IL12RB2: variants seen among roughly 807,000 people sequenced by gnomAD.
IL12RB2 encodes the protein interleukin 12 receptor subunit beta 2, also known as interleukin-12 receptor subunit beta-2.
Under a neutral mutation model 89.4 loss-of-function variants are expected in IL12RB2, and 82 were observed. That is an observed-to-expected ratio of 0.92 (90% CI 0.77 to 1.10). IL12RB2 has a LOEUF of 1.10. Among genes scored for constraint, IL12RB2 ranks in the 50% least tolerant of loss-of-function variants. The pLI is 0.00. For synonymous variants in IL12RB2, 368 were observed against 370.1 expected (o/e 0.99, Z 0.07); for missense variants, 963 against 1,031.9 (o/e 0.93, Z 0.92).
chr1:67,387,863 T>C (rs1318777819), intron 15 of IL12RB2, among the ~76,000 whole-genome samples: 1 of 152,080 alleles, frequency 6.6e-6, no homozygotes, highest in African/African-American at 2.4e-5. Flanking sequence ...AATTTGGTTA[T>C]ATATAATATA....
At chr1:67,391,960 C>A (rs536505154) in intron 16 of IL12RB2, among the ~76,000 whole-genome samples, 1 of 152,104 alleles carries the variant, frequency 6.6e-6, no homozygotes, top group Admixed American at 6.6e-5. Flanking sequence ...GTATGATTAT[C>A]TTCATTTTCC....
At chr1:67,378,848 CAAAAA>C (rs56260019) in intron 13 of IL12RB2, among the ~76,000 whole-genome samples, 2,429 of 91,772 alleles carry the variant, frequency 0.026, 30 homozygotes, top group Non-Finnish European at 0.034. Context: ...AGACTCTTCT[CAAAAA>C]AAAAAAAAAA....
At chr1:67,372,952 C>T (rs1663535399) in intron 13 of IL12RB2, among the ~76,000 whole-genome samples, 169 bp downstream of exon 13, 1 of 152,166 alleles carries the variant, frequency 6.6e-6, no homozygotes, top group Non-Finnish European at 1.5e-5. Flanking sequence ...TTAGAAAAGA[C>T]ATCTAAACAC....
At chr1:67,317,424 C>T (rs571710398) in intron 2 of IL12RB2, among the ~76,000 whole-genome samples, 47 of 152,290 alleles carry the variant, frequency 3.1e-4, no homozygotes, top group Admixed American at 2.7e-3. Flanking sequence ...TTCATTGGCT[C>T]GTGGCTCCTT....
chr1:67,341,001 C>T (rs1374151478), intron 9 of IL12RB2, among the ~76,000 whole-genome samples: 2 of 152,128 alleles, frequency 1.3e-5, no homozygotes, highest in African/African-American at 2.4e-5. Context: ...TTGTAGTCTG[C>T]CCATGCCATG....
At chr1:67,393,839 A>G (rs1666082197) in intron 16 of IL12RB2, among the ~76,000 whole-genome samples, 1 of 152,120 alleles carries the variant, frequency 6.6e-6, no homozygotes, top group Admixed American at 6.6e-5. Context: ...AGTTGGGACT[A>G]GTCCCCAGGG....
chr1:67,351,485 C>A (rs1660833334), intron 10 of IL12RB2, among the ~76,000 whole-genome samples: 1 of 152,006 alleles, frequency 6.6e-6, no homozygotes, highest in South Asian at 2.1e-4. Context: ...ACATTTTACA[C>A]CTAAAGTCAA....
intron 10 of IL12RB2, among the ~76,000 whole-genome samples, chr1:67,363,572 G>A (rs994671023): frequency 2.6e-5 from 4 of 151,808 alleles, no homozygotes; most frequent in African/African-American, 9.7e-5. Context: ...AACAATAATA[G>A]TAACAATGTA....
In IL12RB2 at chr1:67,330,865, G is replaced by A. The variant is rs78282989; in HGVS notation, c.958+55G>A. 5 of 951,894 alleles carry A rather than the reference G, an allele frequency of 5.3e-6. No individual in the cohort carries two copies. The East Asian group carries it at 7.2e-5, about 14-fold the overall frequency. 59.0% of individuals were successfully genotyped at this position (951,894 alleles called of 1,614,324 possible). A position where few individuals can be genotyped will look rare whatever the true frequency, so the allele number is the denominator to read the frequency against. On this transcript the variant is annotated intron_variant, in intron 8 of 16. Transcript: ENST00000674203. ...GGGAGCAATAAAGGGGAGAGAGGGGGGAAGATGTAATGATTTCCTTGGAAT... is the reference window on the plus strand; with the variant it reads ...GGGAGCAATAAAGGGGAGAGAGGGGAGAAGATGTAATGATTTCCTTGGAAT...
At chr1:67,376,475 A>C (rs1664002692) in intron 13 of IL12RB2, among the ~76,000 whole-genome samples, 1 of 152,126 alleles carries the variant, frequency 6.6e-6, no homozygotes, top group African/African-American at 2.4e-5. Flanking sequence ...TGGTGCCTTT[A>C]TCATTGAATC....
chr1:67,321,889 G>A lies in IL12RB2; in HGVS notation c.364G>A (p.Val122Ile). ...QICGAEIFVG[V>I]APEQPQNLSC... is the part of the protein sequence containing the mutation. ...ATGTGGAGCAGAGATCTTCGTTGGT[G>A]GTGAGCATTCCATTTTGAATTTTTA... The change falls in exon 4 of 17, where the codon GTT becomes ATT. Residue 122 changes from valine to isoleucine, a missense_variant and splice_region_variant. Coordinates refer to ENST00000674203, the MANE Select transcript of IL12RB2 (RefSeq NM_001374259.2). 6.2e-7 allele frequency: 1 copy of A among 1,612,520 alleles called. No individual in the cohort carries two copies. Among genetic ancestry groups the A allele is most frequent in the Non-Finnish European group, 8.5e-7 (1 of 1,178,576 alleles).
intron 1 of IL12RB2, among the ~76,000 whole-genome samples, chr1:67,308,343 T>C (rs2100468576): frequency 6.6e-6 from 1 of 152,086 alleles, no homozygotes; most frequent in South Asian, 2.1e-4. Flanking sequence ...AGGGCACCCC[T>C]GAGGGTCCAG....
chr1:67,364,691 A>C (rs1662486777), intron 10 of IL12RB2, among the ~76,000 whole-genome samples: 1 of 152,256 alleles, frequency 6.6e-6, no homozygotes, highest in African/African-American at 2.4e-5. Flanking sequence ...CCACTATCAT[A>C]GTCAGACTTC....
At chr1:67,383,830 T>C (rs1664859664) in intron 14 of IL12RB2, among the ~76,000 whole-genome samples, 1 of 152,304 alleles carries the variant, frequency 6.6e-6, no homozygotes, top group Non-Finnish European at 1.5e-5. Context: ...CATGCAAAAA[T>C]TCAAAAAATT....
intron 10 of IL12RB2, among the ~76,000 whole-genome samples, chr1:67,362,536 G>A (rs1473387157): frequency 3.0e-5 from 4 of 134,338 alleles, no homozygotes; most frequent in African/African-American, 1.1e-4. Context: ...ACTGCAGTCC[G>A]CAGTCCGGCC....
chr1:67,352,334 GAC>G (rs1203610838), intron 10 of IL12RB2, among the ~76,000 whole-genome samples: 12 of 152,206 alleles, frequency 7.9e-5, no homozygotes, highest in Admixed American at 3.9e-4. Context: ...GGGCTGGTGT[GAC>G]AGCCTCATGA....
chr1:67,309,660 G>T lies in IL12RB2; in HGVS notation c.-125+1693G>T, dbSNP rs539151492. Among the ~76,000 whole-genome samples, 44 of 152,156 alleles carry T rather than the reference G, an allele frequency of 2.9e-4. 1 individual carries two copies. In the South Asian group the frequency reaches 9.1e-3, roughly 32 times the overall value. On this transcript the variant is annotated intron_variant, in intron 1 of 16. Coordinates refer to ENST00000674203, the MANE Select transcript of IL12RB2 (RefSeq NM_001374259.2). ...ATAAATTCCCAAACTTTGACAAACGGAATCTTTTCTGTATTAGAATGAGTT... is the reference window on the plus strand; with the variant it reads ...ATAAATTCCCAAACTTTGACAAACGTAATCTTTTCTGTATTAGAATGAGTT...
intron 2 of IL12RB2, among the ~76,000 whole-genome samples, chr1:67,316,549 AG>A (rs1331049710): frequency 6.6e-6 from 1 of 152,156 alleles, no homozygotes; most frequent in African/African-American, 2.4e-5. Context: ...TACATTTGAG[AG>A]TAAAATCTAG....
intron 11 of IL12RB2, among the ~76,000 whole-genome samples, chr1:67,370,110 T>C (rs1663138179): frequency 1.3e-5 from 2 of 152,114 alleles, no homozygotes; most frequent in South Asian, 4.1e-4. Context: ...GGTTAGCTAT[T>C]AGCTTATGTT....
Sources: gnomAD v4.1 joint callset for allele counts (sites outside exome capture counted in the v4.1 genomes callset) on GRCh38, gnomAD v4.1.1 for gene constraint, MANE v1.5 for transcripts, NCBI Gene and HGNC (gene_info 2026-07-23, HGNC 2026-07-21) for gene names.